WDPCP: variants seen among roughly 807,000 people sequenced by gnomAD.
The protein encoded by WDPCP is WD repeat containing planar cell polarity effector.
WDPCP carries 71 observed loss-of-function variants against 93.1 expected under a neutral mutation model. The ratio of observed to expected loss-of-function variants is 0.76; its 90% CI spans 0.63 to 0.93. The LOEUF is 0.93. Ranked by LOEUF, WDPCP falls within the 40% of genes least tolerant of loss-of-function variation. The pLI is 0.00. For missense variants in WDPCP, 844 were observed against 887.4 expected (o/e 0.95, Z 0.62); for synonymous variants, 315 against 315.0 (o/e 1.00, Z 0.00).
At chr2:63,817,970 C>T (rs1259792878) in intron 1 of WDPCP, among the ~76,000 whole-genome samples, 1 of 152,150 alleles carries the variant, frequency 6.6e-6, no homozygotes, top group Non-Finnish European at 1.5e-5. Context: ...TTTCACTTGC[C>T]ATTTTTAGCA....
intron 12 of WDPCP, among the ~76,000 whole-genome samples, chr2:63,356,199 A>T (rs1690010939): frequency 6.6e-6 from 1 of 152,240 alleles, no homozygotes; most frequent in African/African-American, 2.4e-5. Flanking sequence ...ACATAATGGT[A>T]AAGGATTCAA....
At chr2:63,313,706 T>C (rs564741633) in intron 12 of WDPCP, among the ~76,000 whole-genome samples, 54 of 152,022 alleles carry the variant, frequency 3.6e-4, no homozygotes, top group African/African-American at 1.2e-3. Flanking sequence ...AGGAAGCTTA[T>C]TGATTCATTA....
intron 17 of WDPCP, among the ~76,000 whole-genome samples, chr2:63,134,505 C>T (rs140689244): frequency 6.6e-6 from 1 of 152,270 alleles, no homozygotes; most frequent in East Asian, 1.9e-4. Flanking sequence ...CATACATGTA[C>T]ACATATTGTT....
intron 14 of WDPCP, among the ~76,000 whole-genome samples, chr2:63,248,564 T>C (rs920520191): frequency 6.6e-6 from 1 of 152,190 alleles, no homozygotes; most frequent in Non-Finnish European, 1.5e-5. Flanking sequence ...GATCCATGTA[T>C]TTCCTAAAAT....
At chr2:63,799,345 G>C (rs1286246666) in intron 2 of WDPCP, among the ~76,000 whole-genome samples, 1 of 152,150 alleles carries the variant, frequency 6.6e-6, no homozygotes, top group Admixed American at 6.5e-5. Context: ...CTTAGATTTG[G>C]AAGTGACCTC....
At chr2:63,490,444 AT>A (rs1258700834) in intron 2 of WDPCP, among the ~76,000 whole-genome samples, 1 of 152,224 alleles carries the variant, frequency 6.6e-6, no homozygotes, top group Non-Finnish European at 1.5e-5. Context: ...TATTTCAAAC[AT>A]TTAAAAAATA....
chr2:63,508,338 C>T (rs1315617468), intron 1 of WDPCP, among the ~76,000 whole-genome samples: 1 of 152,100 alleles, frequency 6.6e-6, no homozygotes, highest in African/African-American at 2.4e-5. Flanking sequence ...CCAAACTAAG[C>T]TTCATAAGTG....
chr2:63,168,107 C>CAAAAA (rs957507138), intron 15 of WDPCP, among the ~76,000 whole-genome samples: 3 of 53,532 alleles, frequency 5.6e-5, no homozygotes, highest in Non-Finnish European at 9.9e-5. Flanking sequence ...GAGACCCTGC[C>CAAAAA]AAAAAAAAAA....
intron 2 of WDPCP, among the ~76,000 whole-genome samples, chr2:63,680,860 C>T (rs1331335665): frequency 6.6e-6 from 1 of 152,148 alleles, no homozygotes; most frequent in Non-Finnish European, 1.5e-5. Context: ...AGCTCAGCCA[C>T]AGTATAGCAC....
intron 2 of WDPCP, among the ~76,000 whole-genome samples, chr2:63,671,809 C>T (rs536739822): frequency 6.6e-6 from 1 of 152,242 alleles, no homozygotes; most frequent in South Asian, 2.1e-4. Flanking sequence ...TCTCAATACT[C>T]GTTATATACA....
rs556476941 is a variant in WDPCP at position 63,429,872 on chromosome 2, G to A, written c.825+3873C>T. Among the ~76,000 whole-genome samples the A allele has an allele frequency of 2.6e-5, 4 of 151,946 alleles. No homozygotes were observed. In the South Asian group the frequency reaches 8.3e-4, roughly 32 times the overall value. On this transcript the variant is annotated intron_variant, in intron 9 of 17. Coordinates refer to ENST00000272321, the MANE Select transcript of WDPCP (RefSeq NM_015910.7). ...AAGAAAATAAATCATTCTACCAAAA[G>A]GACGTGTGCACCTGTAAATTCACTG...
intron 3 of WDPCP, among the ~76,000 whole-genome samples, chr2:63,627,794 A>G (rs1183996522): frequency 6.6e-6 from 1 of 152,056 alleles, no homozygotes; most frequent in African/African-American, 2.4e-5. Flanking sequence ...ACCACCCTTC[A>G]ATTTGTTCGT....
At chr2:63,306,062 C>G (rs1391010875) in intron 13 of WDPCP, among the ~76,000 whole-genome samples, 1 of 152,038 alleles carries the variant, frequency 6.6e-6, no homozygotes, top group East Asian at 1.9e-4. Flanking sequence ...AAGGGGATAC[C>G]ACCAATGATC....
At chr2:63,145,126 T>C (rs910205785) in intron 17 of WDPCP, among the ~76,000 whole-genome samples, 1 of 152,156 alleles carries the variant, frequency 6.6e-6, no homozygotes, top group Non-Finnish European at 1.5e-5. Context: ...GGGTCTCTCA[T>C]TCATGGATAC....
upstream of WDPCP, among the ~76,000 whole-genome samples, chr2:63,832,046 G>GTT (rs1347459061): frequency 6.6e-6 from 1 of 152,198 alleles, no homozygotes; most frequent in African/African-American, 2.4e-5. Context: ...CTTTTACTAT[G>GTT]TATCAATACA....
At chr2:63,435,856 G>C (rs1316007721) in intron 8 of WDPCP, among the ~76,000 whole-genome samples, 1 of 152,082 alleles carries the variant, frequency 6.6e-6, no homozygotes, top group Non-Finnish European at 1.5e-5. Flanking sequence ...ATGACATGGA[G>C]TGCCAATGTT....
At chr2:63,392,148 A>G (rs1398811134) in intron 10 of WDPCP, among the ~76,000 whole-genome samples, 1 of 152,242 alleles carries the variant, frequency 6.6e-6, no homozygotes, top group African/African-American at 2.4e-5. Flanking sequence ...CTACAAGGCT[A>G]CAGTAACCAA....
intron 1 of WDPCP, among the ~76,000 whole-genome samples, chr2:63,556,758 C>T (rs1024951012): frequency 6.6e-6 from 1 of 151,840 alleles, no homozygotes; most frequent in African/African-American, 2.4e-5. Context: ...ATGTTAAGGA[C>T]AGCCAGAGAG....
rs1217281428 is a variant in WDPCP, at chr2:63,588,431, C to T, written c.-160G>A. 2.5e-6 allele frequency: 2 copies of T among 805,226 alleles called. No individual in the cohort carries two copies. Among genetic ancestry groups the T allele is most frequent in the African/African-American group, 3.4e-5 (2 of 58,784 alleles). 49.9% of individuals were successfully genotyped at this position (805,226 alleles called of 1,614,324 possible). A position where few individuals can be genotyped will look rare whatever the true frequency, so the allele number is the denominator to read the frequency against. ...AGCCAGGGTGTGCGTGCGCTCCCGC[C>T]TCGTCGCTTAGCAACCTGAGAAGCT... On this transcript the variant is annotated 5_prime_UTR_variant, in exon 1 of 18. Coordinates refer to ENST00000272321, the MANE Select transcript of WDPCP (RefSeq NM_015910.7).
Sources: allele counts gnomAD v4.1 joint callset (sites outside exome capture counted in the v4.1 genomes callset), GRCh38; gene constraint gnomAD v4.1.1; transcripts MANE v1.5; gene names NCBI Gene and HGNC (gene_info 2026-07-23, HGNC 2026-07-21).